Variants in SAMD12 observed in about 807,000 individuals in gnomAD.
SAMD12 encodes sterile alpha motif domain containing 12, also known as sterile alpha motif domain-containing protein 12.
Under a neutral mutation model 15.0 loss-of-function variants are expected in SAMD12, and 9 were observed. The ratio of observed to expected loss-of-function variants is 0.60; its 90% CI spans 0.36 to 1.05. SAMD12 has a LOEUF of 1.05. Ranked by LOEUF, SAMD12 falls within the 50% of genes least tolerant of loss-of-function variation. The pLI, the probability that SAMD12 is intolerant of heterozygous loss-of-function variation, is 0.01. For synonymous variants in SAMD12, 86 were observed against 90.1 expected (o/e 0.96, Z 0.25); for missense variants, 230 against 234.2 (o/e 0.98, Z 0.12).
intron 4 of SAMD12, among the ~76,000 whole-genome samples, chr8:118,268,103 A>T (rs1261394712): frequency 6.6e-6 from 1 of 152,106 alleles, no homozygotes; most frequent in Non-Finnish European, 1.5e-5. Context: ...AACAAAAAAA[A>T]GAAAGAAAGA....
intron 3 of SAMD12, among the ~76,000 whole-genome samples, chr8:118,390,932 G>A (rs1820239090): frequency 6.6e-6 from 1 of 151,858 alleles, no homozygotes; most frequent in Admixed American, 6.6e-5. Context: ...AGGTTAATAG[G>A]AGAAAATTGG....
At chr8:118,496,318 C>CCA (rs1824608010) in intron 2 of SAMD12, among the ~76,000 whole-genome samples, 1 of 152,178 alleles carries the variant, frequency 6.6e-6, no homozygotes, top group Non-Finnish European at 1.5e-5. Context: ...TGACTTCAAA[C>CCA]TATACTACAA....
At chr8:118,302,607 A>C (rs1350504573) in intron 4 of SAMD12, among the ~76,000 whole-genome samples, 5 of 152,358 alleles carry the variant, frequency 3.3e-5, no homozygotes, top group African/African-American at 9.6e-5. Flanking sequence ...CCTGGAGTTC[A>C]GTCCAGTAAC....
chr8:118,562,865 G>A (rs1554586589), intron 2 of SAMD12, among the ~76,000 whole-genome samples: 2 of 152,034 alleles, frequency 1.3e-5, no homozygotes, highest in Non-Finnish European at 2.9e-5. Flanking sequence ...CCTGTCCACT[G>A]GGAGGACCCA....
At chr8:118,573,793 A>T (rs1238130009) in intron 2 of SAMD12, among the ~76,000 whole-genome samples, 1 of 152,204 alleles carries the variant, frequency 6.6e-6, no homozygotes, top group East Asian at 1.9e-4. Flanking sequence ...GAGGCAAGAG[A>T]CATAAACCCA....
chr8:118,391,922 C>T (rs1216633220), intron 3 of SAMD12, among the ~76,000 whole-genome samples: 1 of 150,152 alleles, frequency 6.7e-6, no homozygotes, highest in Non-Finnish European at 1.5e-5. Context: ...CCATGAGATG[C>T]ATTAGGAAAG....
chr8:118,509,280 A>G (rs184299452), intron 2 of SAMD12, among the ~76,000 whole-genome samples: 4 of 152,308 alleles, frequency 2.6e-5, no homozygotes, highest in East Asian at 1.9e-4. Context: ...CCAAAATTTA[A>G]TATTATTTAA....
intron 4 of SAMD12, among the ~76,000 whole-genome samples, chr8:118,334,771 T>A (rs531939843): frequency 6.6e-6 from 1 of 152,208 alleles, no homozygotes; most frequent in African/African-American, 2.4e-5. Flanking sequence ...AATTTTTGTA[T>A]TTTTTAGCAG....
chr8:118,421,877 G>T (rs1218985704), intron 3 of SAMD12, among the ~76,000 whole-genome samples: 2 of 152,190 alleles, frequency 1.3e-5, no homozygotes, highest in Non-Finnish European at 2.9e-5. Context: ...AAAATTTGGA[G>T]ACTGTCATTC....
At chr8:118,327,547 G>A (rs1014123414) in intron 4 of SAMD12, among the ~76,000 whole-genome samples, 3 of 152,128 alleles carry the variant, frequency 2.0e-5, no homozygotes, top group South Asian at 2.1e-4. Context: ...GATAAATGTC[G>A]AGGAAGAGGG....
intron 4 of SAMD12, among the ~76,000 whole-genome samples, chr8:118,328,878 G>T (rs1225941791): frequency 1.3e-5 from 2 of 152,084 alleles, no homozygotes; most frequent in East Asian, 3.9e-4. Context: ...CTAAGGGAAG[G>T]TCTCACATGA....
intron 4 of SAMD12, among the ~76,000 whole-genome samples, chr8:118,218,180 G>A (rs2451127): frequency 0.87 from 131,782 of 152,240 alleles, 58,216 homozygotes; most frequent in Non-Finnish European, 0.92. Context: ...TATCTATCCC[G>A]TTGTGGATCA....
chr8:118,601,443 T>C (rs1490059547), intron 1 of SAMD12, among the ~76,000 whole-genome samples: 1 of 152,196 alleles, frequency 6.6e-6, no homozygotes, highest in Non-Finnish European at 1.5e-5. Context: ...TGTTTAAATA[T>C]TTCCAGACAC....
intron 1 of SAMD12, among the ~76,000 whole-genome samples, chr8:118,607,567 C>T (rs961222512): frequency 6.6e-6 from 1 of 152,178 alleles, no homozygotes; most frequent in Non-Finnish European, 1.5e-5. Flanking sequence ...TAGGCATCAT[C>T]TTTATCAAAT....
rs564345663 is a variant in SAMD12, at chr8:118,365,932, A to G, written c.433+13628T>C. On this transcript the variant is annotated intron_variant, in intron 4 of 4. Transcript: ENST00000409003. The stretch of plus-strand genomic sequence containing the variant: ...CTGCTTACTTGCTCCCCAAAGCATA[A>G]TTAATGACCCCATTCATATCAGCCA... Among the ~76,000 whole-genome samples, 29 of 152,176 alleles carry G rather than the reference A, an allele frequency of 1.9e-4. No homozygotes were observed. In the South Asian group the frequency reaches 5.6e-3, roughly 29 times the overall value.
intron 1 of SAMD12, among the ~76,000 whole-genome samples, chr8:118,600,517 T>C (rs763542146): frequency 3.3e-5 from 5 of 152,192 alleles, no homozygotes; most frequent in Non-Finnish European, 4.4e-5. Flanking sequence ...CAACTACTAA[T>C]AGTCAGCAGT....
chr8:118,497,275 T>C (rs1824642266), intron 2 of SAMD12, among the ~76,000 whole-genome samples: 1 of 152,176 alleles, frequency 6.6e-6, no homozygotes, highest in African/African-American at 2.4e-5. Flanking sequence ...CACCTATATG[T>C]GCATCACAGC....
At chr8:118,144,087 G>C in the SAMD12 span, among the ~76,000 whole-genome samples, 3 of 152,052 alleles carry the variant, frequency 2.0e-5, no homozygotes, top group Non-Finnish European at 4.4e-5. Flanking sequence ...CATCTCTCCA[G>C]TTTCTGCCTC....
intron 3 of SAMD12, among the ~76,000 whole-genome samples, chr8:118,405,747 C>T (rs542760271): frequency 6.6e-6 from 1 of 152,150 alleles, no homozygotes; most frequent in East Asian, 1.9e-4. Flanking sequence ...CCATTTTGTC[C>T]TAGAATTTGA....
Sources: allele counts gnomAD v4.1 joint callset (sites outside exome capture counted in the v4.1 genomes callset), GRCh38; gene constraint gnomAD v4.1.1; transcripts MANE v1.5; gene names NCBI Gene and HGNC (gene_info 2026-07-23, HGNC 2026-07-21).